The following STK32A variants were observed in gnomAD, a reference collection of about 807,000 sequenced individuals.
STK32A encodes the protein serine/threonine-protein kinase 32A.
Under a neutral mutation model 53.2 loss-of-function variants are expected in STK32A, and 41 were observed. That is an observed-to-expected ratio of 0.77 (90% CI 0.60 to 1.00). STK32A has a LOEUF of 1.00. Ranked by LOEUF, STK32A falls within the 50% of genes least tolerant of loss-of-function variation. STK32A has a pLI of 0.00. For synonymous variants in STK32A, 166 were observed against 162.8 expected, an observed-to-expected ratio of 1.02 and a Z score of -0.15; for missense variants, 458 against 485.8, an observed-to-expected ratio of 0.94 and a Z score of 0.54.
intron 5 of STK32A, chr5:147,342,445 T>A (rs1755471101): frequency 6.5e-6 from 1 of 153,060 alleles, no homozygotes; most frequent in Non-Finnish European, 1.5e-5. Flanking sequence ...TAAGGGTGAA[T>A]CTGTGTTGTC....
At chr5:147,348,186 A>G (rs1755778051) in intron 6 of STK32A, among the ~76,000 whole-genome samples, 1 of 152,194 alleles carries the variant, frequency 6.6e-6, no homozygotes, top group Non-Finnish European at 1.5e-5. Flanking sequence ...AATAGGGCCT[A>G]CCTCACTAGG....
chr5:147,398,976 C>T, the STK32A span: 70 of 1,424,950 alleles, frequency 4.9e-5, no homozygotes, highest in Non-Finnish European at 6.4e-5. Flanking sequence ...TATTGCAACC[C>T]GTCCTAGTCT....
chr5:147,247,537 G>C (rs536639536), intron 2 of STK32A, among the ~76,000 whole-genome samples: 7 of 152,228 alleles, frequency 4.6e-5, no homozygotes, highest in Admixed American at 2.0e-4. Context: ...TTTTACACTT[G>C]AGTAACCTAT....
intron 4 of STK32A, among the ~76,000 whole-genome samples, chr5:147,320,489 T>C (rs1471851254): frequency 6.6e-6 from 1 of 152,208 alleles, no homozygotes; most frequent in African/African-American, 2.4e-5. Context: ...GTTCAATCTG[T>C]GTTTCAGGCA....
chr5:147,338,463 G>A (rs1755247286), intron 5 of STK32A, among the ~76,000 whole-genome samples: 1 of 152,148 alleles, frequency 6.6e-6, no homozygotes. Flanking sequence ...GACTAATAAA[G>A]CCAATTGGTA....
intron 2 of STK32A, among the ~76,000 whole-genome samples, chr5:147,260,642 C>T (rs1279224361): frequency 6.6e-6 from 1 of 152,074 alleles, no homozygotes; most frequent in Non-Finnish European, 1.5e-5. Context: ...CTTGCTGGTC[C>T]CGGGAGGTTG....
chr5:147,342,782 C>A, intron 5 of STK32A: 1 of 516,192 alleles, frequency 1.9e-6, no homozygotes, highest in South Asian at 3.1e-5. Flanking sequence ...CCATTTCTTC[C>A]ATTTACTAGC....
At chr5:147,241,335 C>T (rs1433824528) in intron 2 of STK32A, among the ~76,000 whole-genome samples, 6 of 152,074 alleles carry the variant, frequency 3.9e-5, no homozygotes, top group South Asian at 2.1e-4. Context: ...AAAAATTAGC[C>T]GGGCGTGGTG....
rs377289056 is a variant in STK32A, at chr5:147,383,446, T to C, written c.1038T>C (p.Cys346=). Residue 346 remains cysteine (C), a synonymous_variant, in exon 12 of 13, where the codon TGT becomes TGC. Coordinates refer to ENST00000397936, the MANE Select transcript of STK32A (RefSeq NM_001112724.2). ...DMRKCDSSQT[C]LLQEHLDSVQ... is the part of the protein sequence containing the mutation. The stretch of plus-strand genomic sequence containing the variant: ...TTTCTACGTTCACCTGGAAGACATG[T>C]CTTCTTCAAGAGCACCTTGACTCTG... 4.4e-6 allele frequency: 7 copies of C among 1,596,864 alleles called. No homozygotes were observed. Among genetic ancestry groups the C allele is most frequent in the Non-Finnish European group, 5.1e-6 (6 of 1,171,108 alleles).
chr5:147,346,058 T>C (rs1352458025), intron 6 of STK32A, among the ~76,000 whole-genome samples: 1 of 152,178 alleles, frequency 6.6e-6, no homozygotes, highest in East Asian at 1.9e-4. Context: ...TCTGAAAAAG[T>C]AGGACTCTCA....
chr5:147,319,139 CTTTT>C (rs146817721), intron 4 of STK32A, among the ~76,000 whole-genome samples: 2 of 100,578 alleles, frequency 2.0e-5, no homozygotes, highest in African/African-American at 4.0e-5. Context: ...ACAACTGGTA[CTTTT>C]TTTTTTTTTT....
At chr5:147,311,998 A>T (rs1049948321) in intron 4 of STK32A, among the ~76,000 whole-genome samples, 1 of 152,268 alleles carries the variant, frequency 6.6e-6, no homozygotes, top group Non-Finnish European at 1.5e-5. Flanking sequence ...AGGAGAGGCC[A>T]GGAAAGACTA....
chr5:147,311,206 T>C (rs1471066920), intron 4 of STK32A, among the ~76,000 whole-genome samples: 1 of 152,192 alleles, frequency 6.6e-6, no homozygotes, highest in African/African-American at 2.4e-5. Flanking sequence ...TATCACAGTA[T>C]CCTTCACTTT....
intron 8 of STK32A, among the ~76,000 whole-genome samples, chr5:147,365,977 G>A (rs985093375): frequency 6.6e-6 from 1 of 151,914 alleles, no homozygotes; most frequent in Non-Finnish European, 1.5e-5. Context: ...TTTTTCTAAA[G>A]CACAGATATG....
intron 4 of STK32A, among the ~76,000 whole-genome samples, chr5:147,322,312 T>G (rs1283261601): frequency 6.6e-6 from 1 of 152,258 alleles, no homozygotes; most frequent in Non-Finnish European, 1.5e-5. Context: ...CCAAGACGTA[T>G]TCTGTGTAAA....
chr5:147,252,950 T>C (rs11167969), intron 2 of STK32A, among the ~76,000 whole-genome samples: 36,928 of 152,068 alleles, frequency 0.24, 4,503 homozygotes, highest in Admixed American at 0.3. Flanking sequence ...TTAATCTGTG[T>C]ATGTGTATAA....
chr5:147,278,096 CA>C, intron 2 of STK32A, 27 bp from the exon 3 acceptor site: 1 of 1,551,008 alleles, frequency 6.4e-7, no homozygotes, highest in South Asian at 1.2e-5. Flanking sequence ...GATAATTACT[CA>C]TGATATTCTT....
At chr5:147,321,918 T>C (rs1754340728) in intron 4 of STK32A, among the ~76,000 whole-genome samples, 1 of 152,190 alleles carries the variant, frequency 6.6e-6, no homozygotes, top group Non-Finnish European at 1.5e-5. Flanking sequence ...TTATCCCTAT[T>C]GCATCTGCCA....
rs183441836 is a variant in STK32A at position 147,374,517 on chromosome 5, C to T, written c.904-573C>T. ...GCTTTGTGGGGTCCATTAGGGGCAA[C>T]TTGTACCATAATTGACACATGACAC... On this transcript the variant is annotated intron_variant, in intron 10 of 12. Coordinates refer to ENST00000397936, the MANE Select transcript of STK32A (RefSeq NM_001112724.2). Among the ~76,000 whole-genome samples, 118 of 152,222 alleles carry T rather than the reference C, an allele frequency of 7.8e-4. 3 individuals carry two copies. Among genetic ancestry groups the T allele is most frequent in the Admixed American group, 6.8e-3 (104 of 15,282 alleles).
Sources: allele counts gnomAD v4.1 joint callset (sites outside exome capture counted in the v4.1 genomes callset), GRCh38; gene constraint gnomAD v4.1.1; transcripts MANE v1.5; gene names NCBI Gene and HGNC (gene_info 2026-07-23, HGNC 2026-07-21).